TRAPPC8: variants seen among roughly 807,000 people sequenced by gnomAD.
The protein encoded by TRAPPC8 is general sporulation gene 1 homolog.
A neutral mutation model predicts 174.3 loss-of-function variants in TRAPPC8; 54 were observed. That is an observed-to-expected ratio of 0.31 (90% CI 0.25 to 0.39). TRAPPC8 has a LOEUF of 0.39. TRAPPC8 is among the 10% of genes least tolerant of loss of function. The probability of loss-of-function intolerance (pLI) is 1.00; values close to 1 mark genes in which losing one functional copy is unlikely to be tolerated. For synonymous variants in TRAPPC8, 630 were observed against 579.9 expected (o/e 1.09, Z -1.24); for missense variants, 1,531 against 1,699.1 (o/e 0.90, Z 1.74).
At chr18:31,863,137 C>T (rs1033958111) in intron 19 of TRAPPC8, among the ~76,000 whole-genome samples, 2 of 150,598 alleles carry the variant, frequency 1.3e-5, no homozygotes, top group Non-Finnish European at 3.0e-5. Context: ...AAACACTGAT[C>T]AACCCTATCA....
In TRAPPC8 at chr18:31,900,914, T is replaced by G; in HGVS notation, c.1490+11A>C. On this transcript the variant is annotated intron_variant, in intron 10 of 28. Transcript: ENST00000283351. ...AACTGGATACAATATAAATCTTATA[T>G]AGTCACCTACTTGCAGATATCTCTG... The G allele has an allele frequency of 6.4e-7, 1 of 1,565,494 alleles. No individual in the cohort carries two copies. The highest frequency in any genetic ancestry group is 8.6e-7 in the Non-Finnish European group (1 of 1,158,334).
chr18:31,868,274 A>G (rs1424719804), intron 16 of TRAPPC8, among the ~76,000 whole-genome samples: 2 of 152,166 alleles, frequency 1.3e-5, no homozygotes, highest in East Asian at 3.8e-4. Flanking sequence ...AAAACTCCCT[A>G]CATTCCAGTT....
chr18:31,911,335 G>C (rs1308066210), intron 5 of TRAPPC8, among the ~76,000 whole-genome samples: 9 of 152,060 alleles, frequency 5.9e-5, no homozygotes, highest in African/African-American at 2.2e-4. Context: ...TAGCCAACAG[G>C]GTGAAACCCT....
intron 12 of TRAPPC8, among the ~76,000 whole-genome samples, chr18:31,879,513 T>C (rs1348214797): frequency 2.0e-5 from 3 of 152,134 alleles, no homozygotes; most frequent in East Asian, 1.9e-4. Context: ...TAAATGCTTA[T>C]ATCAAAAAGA....
intron 2 of TRAPPC8, among the ~76,000 whole-genome samples, chr18:31,924,716 C>T (rs943900431): frequency 8.3e-6 from 1 of 120,706 alleles, no homozygotes; most frequent in Non-Finnish European, 1.6e-5. Context: ...CCAGCCTGGG[C>T]AACAACAGCG....
chr18:31,846,876 A>C, intron 25 of TRAPPC8, 59 bp from the exon 26 acceptor site: 1 of 1,203,216 alleles, frequency 8.3e-7, no homozygotes, highest in Non-Finnish European at 1.2e-6. Flanking sequence ...TAAAGTAACC[A>C]ACCCAATACT....
intron 5 of TRAPPC8, among the ~76,000 whole-genome samples, chr18:31,911,662 C>T (rs1325856396): frequency 1.4e-5 from 2 of 147,262 alleles, no homozygotes; most frequent in Admixed American, 6.9e-5. Flanking sequence ...TAATTTGAAT[C>T]CAGGAGGCAG....
At chr18:31,933,802 T>C (rs2037958586) in intron 1 of TRAPPC8, among the ~76,000 whole-genome samples, 1 of 140,170 alleles carries the variant, frequency 7.1e-6, no homozygotes, top group Non-Finnish European at 1.6e-5. Flanking sequence ...TAACATTTTT[T>C]ACTAAAAAAA....
intron 12 of TRAPPC8, among the ~76,000 whole-genome samples, chr18:31,880,719 T>G (rs2035408663): frequency 6.6e-6 from 1 of 152,132 alleles, no homozygotes; most frequent in African/African-American, 2.4e-5. Flanking sequence ...AAATGATCTT[T>G]GTTCAATGAT....
At chr18:31,832,895 GAAA>G (rs2032461517) in intron 27 of TRAPPC8, among the ~76,000 whole-genome samples, 1 of 152,174 alleles carries the variant, frequency 6.6e-6, no homozygotes, top group Non-Finnish European at 1.5e-5. Context: ...TAGTAAAGAA[GAAA>G]AAATAGTAAC....
intron 2 of TRAPPC8, among the ~76,000 whole-genome samples, chr18:31,927,463 G>A (rs2037665090): frequency 6.6e-6 from 1 of 152,072 alleles, no homozygotes; most frequent in African/African-American, 2.4e-5. Flanking sequence ...CACTGTGTTG[G>A]CCAGGCTGGT....
intron 12 of TRAPPC8, among the ~76,000 whole-genome samples, chr18:31,874,936 G>T (rs2276143): frequency 0.088 from 13,398 of 152,094 alleles, 836 homozygotes; most frequent in East Asian, 0.33. Context: ...ATAGGAGTAG[G>T]GTACCTAAAG....
intron 25 of TRAPPC8, among the ~76,000 whole-genome samples, chr18:31,848,346 T>C (rs1207593251): frequency 1.3e-5 from 2 of 152,172 alleles, no homozygotes; most frequent in African/African-American, 4.8e-5. Context: ...CACTTAACAA[T>C]GAGTACAGAA....
intron 1 of TRAPPC8, among the ~76,000 whole-genome samples, chr18:31,932,376 G>A (rs998657710): frequency 3.3e-5 from 5 of 151,046 alleles, no homozygotes; most frequent in South Asian, 2.1e-4. Flanking sequence ...GCAGCGAGCC[G>A]AGATTGCACT....
In TRAPPC8 at chr18:31,857,761, G is replaced by A; in HGVS notation, c.2967C>T (p.Thr989=). The change falls in exon 20 of 29, where the codon ACC becomes ACT. Residue 989 remains threonine, a synonymous_variant. Coordinates refer to ENST00000283351, the MANE Select transcript of TRAPPC8 (RefSeq NM_014939.5). ...SAYKTVVTDA[T]SVCTALISSA... is the part of the protein sequence containing the mutation. ...ATGATATGAGTGCTGTACACACAGA[G>A]GTAGCATCTGTCACAACAGTCTTGT... 6.2e-7 allele frequency: 1 copy of A among 1,614,060 alleles called. No individual in the cohort carries two copies. The highest frequency in any genetic ancestry group is 1.1e-5 in the South Asian group (1 of 91,068).
intron 2 of TRAPPC8, among the ~76,000 whole-genome samples, chr18:31,925,815 T>G (rs1336777995): frequency 6.6e-6 from 1 of 152,102 alleles, no homozygotes; most frequent in Admixed American, 6.6e-5. Context: ...TAAAAGAAAG[T>G]GGATCAATTC....
rs374833021 is a variant in TRAPPC8, at chr18:31,909,735, G to A, written c.797C>T (p.Thr266Ile). 3.8e-6 allele frequency: 6 copies of A among 1,596,068 alleles called. No homozygotes were observed. The highest frequency in any genetic ancestry group is 5.1e-6 in the Non-Finnish European group (6 of 1,174,214). ...ATCAGAATTCTTATTTGAAGTTATA[G>A]TACAAGGGCCATCTTCATATGATTC... ...NQESYEDGPC[T>I]ITSNKNSDNN... The change falls in exon 6 of 29, where the codon ACT becomes ATT. Residue 266 changes from threonine (T) to isoleucine (I), a missense_variant. Physicochemically the swap from Thr to Ile is moderately conservative, Grantham distance 89. Coordinates refer to ENST00000283351, the MANE Select transcript of TRAPPC8 (RefSeq NM_014939.5).
chr18:31,849,432 T>C (rs964222082), intron 25 of TRAPPC8, 134 bp downstream of exon 25: 2 of 768,704 alleles, frequency 2.6e-6, no homozygotes, highest in Non-Finnish European at 3.6e-6. Flanking sequence ...AAAAAATATG[T>C]AACTGTTAAA....
chr18:31,905,734 T>C (rs1359031532), intron 9 of TRAPPC8, among the ~76,000 whole-genome samples: 6 of 152,178 alleles, frequency 3.9e-5, no homozygotes, highest in Non-Finnish European at 7.4e-5. Flanking sequence ...AAAGGCTAAG[T>C]GATTTTCAGG....
Sources: gnomAD v4.1 joint callset for allele counts (sites outside exome capture counted in the v4.1 genomes callset) on GRCh38, gnomAD v4.1.1 for gene constraint, MANE v1.5 for transcripts, NCBI Gene and HGNC (gene_info 2026-07-23, HGNC 2026-07-21) for gene names.